Variants in TFEC observed in about 807,000 individuals in gnomAD.
TFEC encodes class E basic helix-loop-helix protein 34.
A neutral mutation model predicts 41.6 loss-of-function variants in TFEC; 31 were observed. The observed-to-expected ratio is 0.74, with a 90% CI of 0.56 to 1.01. The LOEUF (loss-of-function observed/expected upper bound fraction) is 1.01. TFEC is among the 50% of genes least tolerant of loss of function. The probability of loss-of-function intolerance (pLI) is 0.00; values close to 1 mark genes in which losing one functional copy is unlikely to be tolerated. For missense variants in TFEC, 402 were observed against 404.1 expected (o/e 0.99, Z 0.04); for synonymous variants, 143 against 140.6 (o/e 1.02, Z -0.12).
Position 115,938,076 on chromosome 7 carries a change from C to T in TFEC, c.*2475G>A, listed in dbSNP as rs577904516. Reference sequence around the variant, plus strand: ...CTGAATGTAGCAGCAAATAGCAGTTCCCTCTCCAGATCTCTTGTGTCCAGG... The same window carrying T: ...CTGAATGTAGCAGCAAATAGCAGTTTCCTCTCCAGATCTCTTGTGTCCAGG... On this transcript the variant is annotated 3_prime_UTR_variant, in exon 8 of 8. Transcript: ENST00000265440. The T allele has an allele frequency of 1.3e-4, 20 of 151,988 alleles. No homozygotes were observed. Among genetic ancestry groups the T allele is most frequent in the African/African-American group, 4.1e-4 (17 of 41,522 alleles). 9.4% of individuals were successfully genotyped at this position (151,988 alleles called of 1,614,324 possible). A position where few individuals can be genotyped will look rare whatever the true frequency, so the allele number is the denominator to read the frequency against.
At chr7:115,961,704 G>A (rs967321825) in intron 3 of TFEC, among the ~76,000 whole-genome samples, 3 of 151,650 alleles carry the variant, frequency 2.0e-5, no homozygotes, top group African/African-American at 4.8e-5. Flanking sequence ...AGTAACAACA[G>A]TACATTAGAT....
intron 3 of TFEC, among the ~76,000 whole-genome samples, chr7:116,092,416 C>T (rs1373629122): frequency 6.6e-6 from 1 of 152,128 alleles, no homozygotes; most frequent in Admixed American, 6.6e-5. Flanking sequence ...AAAATCTTTG[C>T]AAATACATCT....
intron 1 of TFEC, among the ~76,000 whole-genome samples, chr7:115,997,195 G>A (rs1208630555): frequency 6.6e-6 from 1 of 152,194 alleles, no homozygotes; most frequent in Non-Finnish European, 1.5e-5. Context: ...CCAGAGGGGT[G>A]CTTGTGTCAC....
At chr7:116,040,883 C>T (rs1057358360) in intron 3 of TFEC, among the ~76,000 whole-genome samples, 3 of 152,088 alleles carry the variant, frequency 2.0e-5, no homozygotes, top group Non-Finnish European at 2.9e-5. Flanking sequence ...TTAGATTATT[C>T]GCTTTTATTT....
intron 2 of TFEC, among the ~76,000 whole-genome samples, chr7:115,982,792 TC>T (rs1328093498): frequency 3.3e-5 from 5 of 152,168 alleles, no homozygotes; most frequent in Admixed American, 6.6e-5. Context: ...ATGTGAATTT[TC>T]TTTATATATA....
At chr7:115,941,756 A>G in intron 7 of TFEC, 137 bp downstream of exon 7, 1 of 1,214,368 alleles carries the variant, frequency 8.2e-7, no homozygotes, top group Non-Finnish European at 1.1e-6. Context: ...ACGAACTTCT[A>G]AAAAGCAGTA....
intron 3 of TFEC, among the ~76,000 whole-genome samples, chr7:115,961,381 G>A (rs1273178776): frequency 6.6e-6 from 1 of 151,450 alleles, no homozygotes; most frequent in Non-Finnish European, 1.5e-5. Context: ...TAAAACACAT[G>A]TAAAAATGTC....
chr7:116,013,940 T>C (rs1161609988), intron 1 of TFEC, among the ~76,000 whole-genome samples: 1 of 152,134 alleles, frequency 6.6e-6, no homozygotes, highest in East Asian at 1.9e-4. Context: ...AGGACAATGT[T>C]ACAATTGAAA....
chr7:115,955,542 G>A (rs1792176823), intron 4 of TFEC, among the ~76,000 whole-genome samples: 1 of 152,018 alleles, frequency 6.6e-6, no homozygotes, highest in African/African-American at 2.4e-5. Context: ...TCAAGTCTCA[G>A]GTGTCTGTAC....
intron 3 of TFEC, among the ~76,000 whole-genome samples, chr7:116,093,428 T>C (rs906822416): frequency 8.5e-5 from 13 of 152,130 alleles, no homozygotes; most frequent in Middle Eastern, 3.2e-3. Context: ...GAAAAGCATT[T>C]CAGAAAGAAA....
At position 116,135,952 on chromosome 7, in the gene TFEC, G is replaced by T. The variant is rs543376207; in HGVS notation, c.-69+23838C>A. Among the ~76,000 whole-genome samples, 4 of 152,156 alleles carry T rather than the reference G, an allele frequency of 2.6e-5. No homozygotes were observed. In the South Asian group the frequency reaches 8.3e-4, roughly 32 times the overall value. On this transcript the variant is annotated intron_variant, in intron 1 of 8. Coordinates refer to the TFEC transcript ENST00000484212. ...AATTGCTTTAGAAAATTAGCTTTTA[G>T]GGTTCTCTGCAAAGACTAGTTCCTC...
rs1247383265 is a variant in TFEC at position 116,027,426 on chromosome 7, A to T, written c.-73+3207T>A. On this transcript the variant is annotated intron_variant, in intron 1 of 7. Coordinates refer to ENST00000265440, the MANE Select transcript of TFEC (RefSeq NM_012252.4). ...CGAGACCCCCCATCTCTACAAAAAA[A>T]TACAAAAAAATAAAAAGAAATTAGC... Among the ~76,000 whole-genome samples, 5 of 152,144 alleles carry T rather than the reference A, an allele frequency of 3.3e-5. No individual in the cohort carries two copies. The South Asian group carries it at 6.2e-4, about 19-fold the overall frequency.
At chr7:115,952,031 T>C (rs1265595291) in intron 5 of TFEC, among the ~76,000 whole-genome samples, 1 of 152,100 alleles carries the variant, frequency 6.6e-6, no homozygotes, top group Non-Finnish European at 1.5e-5. Context: ...TTTTTAAATG[T>C]TGGAAAATAC....
chr7:115,951,606 T>C (rs1252272947), intron 5 of TFEC, among the ~76,000 whole-genome samples: 1 of 152,062 alleles, frequency 6.6e-6, no homozygotes, highest in Non-Finnish European at 1.5e-5. Context: ...TTAAAATAGA[T>C]TTGCACCACA....
chr7:116,055,145 T>C (rs1271369605), intron 3 of TFEC, among the ~76,000 whole-genome samples: 2 of 152,146 alleles, frequency 1.3e-5, no homozygotes, highest in African/African-American at 4.8e-5. Context: ...TCAATTATGA[T>C]GACAGGAAAA....
intron 1 of TFEC, among the ~76,000 whole-genome samples, chr7:116,127,064 C>G (rs1798225686): frequency 6.6e-6 from 1 of 151,992 alleles, no homozygotes. Flanking sequence ...CTCCTGAAAA[C>G]AGTACATGTC....
chr7:115,994,972 A>T (rs1411298910), intron 1 of TFEC, among the ~76,000 whole-genome samples: 1 of 152,174 alleles, frequency 6.6e-6, no homozygotes, highest in Non-Finnish European at 1.5e-5. Flanking sequence ...GATAGACTGG[A>T]TTAAGAAAAT....
chr7:116,016,631 T>C (rs1795201390), intron 1 of TFEC, among the ~76,000 whole-genome samples: 1 of 152,064 alleles, frequency 6.6e-6, no homozygotes. Context: ...CAAAGTTATG[T>C]TTCTGCTCTG....
intron 3 of TFEC, among the ~76,000 whole-genome samples, chr7:115,970,363 A>T (rs1301409354): frequency 6.6e-6 from 1 of 151,906 alleles, no homozygotes; most frequent in Non-Finnish European, 1.5e-5. Flanking sequence ...TGGTTTTCAG[A>T]GCCCTTTTAG....
Sources: allele counts gnomAD v4.1 joint callset (sites outside exome capture counted in the v4.1 genomes callset), GRCh38; gene constraint gnomAD v4.1.1; transcripts MANE v1.5; gene names NCBI Gene and HGNC (gene_info 2026-07-23, HGNC 2026-07-21).